The following HTR1F variants were observed in gnomAD, a reference collection of about 807,000 sequenced individuals.
HTR1F encodes the protein 5-hydroxytryptamine receptor 1F.
In HTR1F, 17 loss-of-function variants were observed where a neutral mutation model predicts 24.0. That is an observed-to-expected ratio of 0.71 (90% confidence interval 0.48 to 1.06). The LOEUF is 1.06. HTR1F is among the 50% of genes least tolerant of loss of function. The pLI is 0.00. For synonymous variants in HTR1F, 186 were observed against 156.8 expected, an observed-to-expected ratio of 1.19 and a Z score of -1.39; for missense variants, 391 against 427.8, an observed-to-expected ratio of 0.91 and a Z score of 0.76.
At chr3:87,888,533 C>G (rs1249672960) in intron 2 of HTR1F, among the ~76,000 whole-genome samples, 2 of 151,942 alleles carry the variant, frequency 1.3e-5, no homozygotes, top group East Asian at 3.9e-4. Flanking sequence ...AGGAAAAAAA[C>G]ATTGTGAGAC....
chr3:87,873,367 G>C (rs114226752), intron 2 of HTR1F, among the ~76,000 whole-genome samples: 2,998 of 152,218 alleles, frequency 0.02, 196 homozygotes, highest in Admixed American at 0.14. Flanking sequence ...ATGAGTCAGA[G>C]TCTGAAGGCC....
chr3:87,875,690 C>T (rs1705654360), intron 2 of HTR1F, among the ~76,000 whole-genome samples: 3 of 151,728 alleles, frequency 2.0e-5, no homozygotes, highest in South Asian at 4.2e-4. Context: ...TTTGGGAGGC[C>T]GAGGCGGGCA....
chr3:87,810,894 A>G (rs1704148947), intron 1 of HTR1F, among the ~76,000 whole-genome samples: 1 of 152,214 alleles, frequency 6.6e-6, no homozygotes, highest in African/African-American at 2.4e-5. Flanking sequence ...GCATCTGACC[A>G]GTATGTGTAT....
chr3:87,957,341 G>T (rs1576087935), intron 2 of HTR1F, among the ~76,000 whole-genome samples: 1 of 151,156 alleles, frequency 6.6e-6, no homozygotes, highest in East Asian at 1.9e-4. Context: ...TATAAATATT[G>T]CAGGATTCAA....
chr3:87,807,560 G>A (rs1048821898), intron 1 of HTR1F, among the ~76,000 whole-genome samples: 7 of 151,758 alleles, frequency 4.6e-5, no homozygotes, highest in South Asian at 2.1e-4. Flanking sequence ...AGATCATATC[G>A]TCAGCAAACA....
At chr3:87,973,583 T>A (rs1705332574) in intron 2 of HTR1F, among the ~76,000 whole-genome samples, 1 of 152,220 alleles carries the variant, frequency 6.6e-6, no homozygotes, top group Non-Finnish European at 1.5e-5. Context: ...ATAGGCTACT[T>A]TAGAGTATAA....
chr3:87,861,971 C>T (rs1185242641), intron 2 of HTR1F, among the ~76,000 whole-genome samples: 1 of 152,070 alleles, frequency 6.6e-6, no homozygotes, highest in South Asian at 2.1e-4. Context: ...ATGTATATCA[C>T]ATTTAAATAT....
intron 2 of HTR1F, among the ~76,000 whole-genome samples, chr3:87,920,029 T>TTATATATATATATATATATATATATATA (rs74326472): frequency 2.5e-4 from 35 of 142,004 alleles, no homozygotes; most frequent in African/African-American, 6.6e-4. Flanking sequence ...ATATGTAATA[T>TTATATATATATATATATATATATATATA]TATATATATA....
chr3:87,985,238 G>A (rs1366682977), intron 2 of HTR1F, among the ~76,000 whole-genome samples: 2 of 152,060 alleles, frequency 1.3e-5, no homozygotes, highest in African/African-American at 4.8e-5. Context: ...GGGAGGCTGA[G>A]GCTGACGAAT....
At chr3:87,935,560 TACCTCCAAAATTGGAAATCA>T (rs1288285284) in intron 2 of HTR1F, among the ~76,000 whole-genome samples, 1 of 152,082 alleles carries the variant, frequency 6.6e-6, no homozygotes, top group African/African-American at 2.4e-5. Context: ...CTGAAAGACC[TACCTCCAAAATTGGAAATCA>T]ACTACTTGAA....
chr3:87,805,790 C>T lies in HTR1F; in HGVS notation c.-160+12948C>T, dbSNP rs137879232. On this transcript the variant is annotated intron_variant, in intron 1 of 2. Transcript: ENST00000319595. ...CAAATCTGCATATCCTGCACGTGTA[C>T]CCTGGAACTTAAAAAAAGAAAAGAA... Among the ~76,000 whole-genome samples the T allele has an allele frequency of 3.7e-3, 562 of 152,058 alleles. 2 individuals carry two copies. Among genetic ancestry groups the T allele is most frequent in the Non-Finnish European group, 6.7e-3 (452 of 67,968 alleles).
intron 2 of HTR1F, among the ~76,000 whole-genome samples, chr3:87,835,049 G>A (rs538088718): frequency 6.6e-6 from 1 of 152,060 alleles, no homozygotes; most frequent in East Asian, 1.9e-4. Context: ...TGGAATTATC[G>A]ATAGGTGTTT....
At chr3:87,896,539 C>G (rs1421834013) in intron 2 of HTR1F, among the ~76,000 whole-genome samples, 1 of 152,152 alleles carries the variant, frequency 6.6e-6, no homozygotes, top group Non-Finnish European at 1.5e-5. Context: ...ACACCAAAAG[C>G]TCAGGGTATA....
At chr3:87,892,886 T>C (rs1009136342) in intron 2 of HTR1F, among the ~76,000 whole-genome samples, 1 of 152,110 alleles carries the variant, frequency 6.6e-6, no homozygotes, top group Admixed American at 6.5e-5. Context: ...TTTGCTACCA[T>C]CATCTGTCAG....
At chr3:87,925,274 T>A (rs950711008) in intron 2 of HTR1F, among the ~76,000 whole-genome samples, 1 of 152,096 alleles carries the variant, frequency 6.6e-6, no homozygotes, top group Non-Finnish European at 1.5e-5. Flanking sequence ...GGCAGAACAG[T>A]CCTTGGACTC....
intron 1 of HTR1F, among the ~76,000 whole-genome samples, chr3:87,819,347 T>G (rs1373443804): frequency 6.6e-6 from 1 of 152,036 alleles, no homozygotes; most frequent in African/African-American, 2.4e-5. Flanking sequence ...AAGATTTTTT[T>G]TTTTGCTTAA....
chr3:87,798,489 A>G (rs1464379279), intron 1 of HTR1F, among the ~76,000 whole-genome samples: 1 of 151,624 alleles, frequency 6.6e-6, no homozygotes, highest in Admixed American at 6.6e-5. Context: ...ACTCCCATCC[A>G]TCCATAAAAC....
chr3:87,991,985 T>C lies in HTR1F; in HGVS notation c.*135T>C. 1 of 649,226 alleles carries C rather than the reference T, an allele frequency of 1.5e-6. No homozygotes were observed. Among genetic ancestry groups the C allele is most frequent in the Non-Finnish European group, 2.5e-6 (1 of 399,492 alleles). The allele number at this position is 649,226 out of a possible 1,614,324, so 40.2% of individuals were successfully genotyped here. A position where few individuals can be genotyped will look rare whatever the true frequency, so the allele number is the denominator to read the frequency against. The stretch of plus-strand genomic sequence containing the variant: ...GCTAAATTGATAAGGCTATAATTTA[T>C]ATTTTAATAGCAATGTGAATATAAA... On this transcript the variant is annotated 3_prime_UTR_variant, in exon 3 of 3. Coordinates refer to ENST00000319595, the MANE Select transcript of HTR1F (RefSeq NM_001322209.2).
At chr3:87,862,633 T>G (rs1164087534) in intron 2 of HTR1F, among the ~76,000 whole-genome samples, 110 of 152,164 alleles carry the variant, frequency 7.2e-4, no homozygotes, top group Non-Finnish European at 7.4e-5. Context: ...TTTCCATGGA[T>G]CTTTTCTAGA....
Sources: gnomAD v4.1 joint callset for allele counts (sites outside exome capture counted in the v4.1 genomes callset) on GRCh38, gnomAD v4.1.1 for gene constraint, MANE v1.5 for transcripts, NCBI Gene and HGNC (gene_info 2026-07-23, HGNC 2026-07-21) for gene names.